Variants in ARHGAP32 observed in about 807,000 individuals in gnomAD.
The protein encoded by ARHGAP32 is rho GTPase-activating protein 32.
In ARHGAP32, 51 loss-of-function variants were observed where a neutral mutation model predicts 186.5. The observed-to-expected ratio is 0.27, with a 90% CI of 0.22 to 0.35. ARHGAP32 has a LOEUF of 0.35. Ranked by LOEUF, ARHGAP32 falls within the 10% of genes least tolerant of loss-of-function variation. ARHGAP32 has a pLI of 1.00. For missense variants in ARHGAP32, 2,186 were observed against 2,623.5 expected, an observed-to-expected ratio of 0.83 and a Z score of 3.64; for synonymous variants, 950 against 964.3, an observed-to-expected ratio of 0.99 and a Z score of 0.27.
At chr11:128,984,018 T>C (rs1473322680) in intron 15 of ARHGAP32, among the ~76,000 whole-genome samples, 2 of 135,594 alleles carry the variant, frequency 1.5e-5, no homozygotes, top group African/African-American at 5.2e-5. Context: ...GTCATTATCC[T>C]GTAATAAAAA....
intron 1 of ARHGAP32, among the ~76,000 whole-genome samples, chr11:129,254,112 A>G (rs1945223362): frequency 6.6e-6 from 1 of 152,070 alleles, no homozygotes; most frequent in African/African-American, 2.4e-5. Flanking sequence ...TTCAGTTCAA[A>G]TATTTGACAA....
intron 14 of ARHGAP32, 70 bp from the exon 15 acceptor site, chr11:128,986,155 A>G (rs758261895): frequency 1.4e-5 from 17 of 1,201,684 alleles, no homozygotes; most frequent in Non-Finnish European, 2.0e-5. Context: ...CTTACAATTC[A>G]GTTTTCACTC....
At chr11:129,020,449 C>G (rs1308540174) in intron 11 of ARHGAP32, among the ~76,000 whole-genome samples, 1 of 152,022 alleles carries the variant, frequency 6.6e-6, no homozygotes, top group South Asian at 2.1e-4. Flanking sequence ...GCTGGTCATG[C>G]CATATGGTAT....
intron 6 of ARHGAP32, among the ~76,000 whole-genome samples, chr11:129,074,416 G>A (rs1244408618): frequency 5.9e-5 from 9 of 152,052 alleles, no homozygotes; most frequent in East Asian, 3.8e-4. Flanking sequence ...AATCCATGAC[G>A]CAGTATAATT....
intron 11 of ARHGAP32, among the ~76,000 whole-genome samples, chr11:129,020,457 T>C (rs1938544807): frequency 6.6e-6 from 1 of 152,100 alleles, no homozygotes; most frequent in Non-Finnish European, 1.5e-5. Flanking sequence ...TGCCATATGG[T>C]ATACTGTTGT....
chr11:129,001,919 T>C (rs1165152057), intron 11 of ARHGAP32, among the ~76,000 whole-genome samples: 2 of 152,196 alleles, frequency 1.3e-5, no homozygotes. Flanking sequence ...GAGTTCACTG[T>C]AGGTGTGTGG....
intron 11 of ARHGAP32, among the ~76,000 whole-genome samples, chr11:129,015,513 G>A (rs1310394573): frequency 6.6e-6 from 1 of 152,008 alleles, no homozygotes; most frequent in South Asian, 2.1e-4. Flanking sequence ...ATAAAAGATA[G>A]AGCTGAAGCC....
chr11:128,987,105 C>T (rs998348355), intron 13 of ARHGAP32, among the ~76,000 whole-genome samples: 6 of 152,200 alleles, frequency 3.9e-5, no homozygotes, highest in South Asian at 2.1e-4. Flanking sequence ...AATGCTTTCC[C>T]GAAGCAGGAT....
At chr11:129,050,222 A>C (rs1248542060) in intron 10 of ARHGAP32, among the ~76,000 whole-genome samples, 3 of 152,192 alleles carry the variant, frequency 2.0e-5, no homozygotes, top group East Asian at 3.8e-4. Flanking sequence ...GTATGAATCA[A>C]TACCTCATTG....
At chr11:128,998,977 T>G (rs1946275100) in intron 11 of ARHGAP32, among the ~76,000 whole-genome samples, 1 of 152,188 alleles carries the variant, frequency 6.6e-6, no homozygotes, top group South Asian at 2.1e-4. Context: ...ACAAATTGTT[T>G]GTAAAACATG....
intron 12 of ARHGAP32, among the ~76,000 whole-genome samples, chr11:128,996,156 G>T (rs907536690): frequency 6.6e-6 from 1 of 152,046 alleles, no homozygotes; most frequent in East Asian, 1.9e-4. Context: ...AAGTAAAATG[G>T]TATTTCAAAA....
At chr11:129,193,561 T>TA (rs1313762414), upstream of ARHGAP32, among the ~76,000 whole-genome samples, 17 of 13,380 alleles carry the variant, frequency 1.3e-3, no homozygotes, top group Non-Finnish European at 2.0e-3. Context: ...TATATATATA[T>TA]TATATATAAT....
intron 1 of ARHGAP32, among the ~76,000 whole-genome samples, chr11:129,180,407 T>C (rs574616643): frequency 8.0e-4 from 122 of 152,262 alleles, no homozygotes; most frequent in Non-Finnish European, 1.4e-3. Flanking sequence ...TATACCTTGA[T>C]TGGGTTGTGA....
intron 1 of ARHGAP32, among the ~76,000 whole-genome samples, chr11:129,201,898 G>A (rs190669102): frequency 2.0e-5 from 3 of 152,194 alleles, no homozygotes; most frequent in Admixed American, 6.5e-5. Context: ...TGGGAGGATC[G>A]CTTGAGCACA....
At chr11:128,988,429 T>G (rs1303313461) in intron 12 of ARHGAP32, among the ~76,000 whole-genome samples, 5 of 152,214 alleles carry the variant, frequency 3.3e-5, no homozygotes, top group Non-Finnish European at 7.3e-5. Flanking sequence ...TAGATCATGT[T>G]ACAGTTACAC....
At chr11:129,092,961 A>G (rs1941620284) in intron 6 of ARHGAP32, among the ~76,000 whole-genome samples, 1 of 152,056 alleles carries the variant, frequency 6.6e-6, no homozygotes, top group Non-Finnish European at 1.5e-5. Flanking sequence ...AAGTGCTTAC[A>G]TGATGGGGGA....
At chr11:129,193,709 AT>A (rs1944346659), upstream of ARHGAP32, among the ~76,000 whole-genome samples, 3 of 41,122 alleles carry the variant, frequency 7.3e-5, no homozygotes, top group African/African-American at 2.5e-4. Flanking sequence ...TATAATATAT[AT>A]TATATATTAT....
intron 10 of ARHGAP32, among the ~76,000 whole-genome samples, chr11:129,047,866 C>A (rs1210907136): frequency 1.3e-5 from 2 of 152,062 alleles, no homozygotes; most frequent in African/African-American, 4.8e-5. Context: ...TCCAAATCTT[C>A]AATGATCTCC....
At chr11:129,242,723 A>T (rs534952073) in intron 1 of ARHGAP32, among the ~76,000 whole-genome samples, 1 of 152,088 alleles carries the variant, frequency 6.6e-6, no homozygotes, top group African/African-American at 2.4e-5. Context: ...ACCTCAAAAA[A>T]AAAAAAAGAT....
Sources: gnomAD v4.1 joint callset for allele counts (sites outside exome capture counted in the v4.1 genomes callset) on GRCh38, gnomAD v4.1.1 for gene constraint, MANE v1.5 for transcripts, NCBI Gene and HGNC (gene_info 2026-07-23, HGNC 2026-07-21) for gene names.